CNTN5: variants seen among roughly 807,000 people sequenced by gnomAD.
CNTN5 encodes the protein contactin 5.
Under a neutral mutation model 129.1 loss-of-function variants are expected in CNTN5, and 77 were observed. The ratio of observed to expected loss-of-function variants is 0.60; its 90% CI spans 0.50 to 0.72. CNTN5 has a LOEUF of 0.72. CNTN5 is among the 30% of genes least tolerant of loss of function. CNTN5 has a pLI of 0.00. For missense variants in CNTN5, 1,478 were observed against 1,328.8 expected (o/e 1.11, Z -1.75); for synonymous variants, 509 against 465.6 (o/e 1.09, Z -1.20).
At chr11:99,366,346 A>G (rs1460309341) in intron 2 of CNTN5, among the ~76,000 whole-genome samples, 1 of 152,256 alleles carries the variant, frequency 6.6e-6, no homozygotes, top group East Asian at 1.9e-4. Context: ...GATATTAATC[A>G]CAATCACAGA....
intron 8 of CNTN5, among the ~76,000 whole-genome samples, chr11:99,960,824 T>A (rs1436352507): frequency 6.6e-6 from 1 of 152,006 alleles, no homozygotes; most frequent in Admixed American, 6.5e-5. Context: ...CCTGAACTAA[T>A]CTACATTACA....
intron 4 of CNTN5, among the ~76,000 whole-genome samples, chr11:99,834,119 G>A (rs1947229637): frequency 6.6e-6 from 1 of 152,104 alleles, no homozygotes. Context: ...TGCAAACACT[G>A]TATGAATTGC....
At chr11:99,297,030 G>T (rs1201789291) in intron 1 of CNTN5, among the ~76,000 whole-genome samples, 1 of 152,224 alleles carries the variant, frequency 6.6e-6, no homozygotes, top group East Asian at 1.9e-4. Flanking sequence ...GCACAGGGCA[G>T]TCTCTATTGT....
intron 3 of CNTN5, among the ~76,000 whole-genome samples, chr11:99,781,708 C>T (rs1190573131): frequency 6.6e-6 from 1 of 152,084 alleles, no homozygotes; most frequent in Non-Finnish European, 1.5e-5. Flanking sequence ...CAAGAACGTT[C>T]CATGTCTGTA....
At chr11:100,120,207 C>A (rs1225972748) in intron 13 of CNTN5, among the ~76,000 whole-genome samples, 1 of 151,942 alleles carries the variant, frequency 6.6e-6, no homozygotes, top group Admixed American at 6.6e-5. Context: ...TTGTTTTACT[C>A]ATCCAGTTAC....
intron 15 of CNTN5, among the ~76,000 whole-genome samples, chr11:100,194,563 G>T (rs17094590): frequency 0.031 from 4,660 of 150,744 alleles, 239 homozygotes; most frequent in African/African-American, 0.11. Flanking sequence ...TTTAAACTCA[G>T]TGTCAATTGG....
At chr11:99,965,854 C>G (rs957160216) in intron 8 of CNTN5, among the ~76,000 whole-genome samples, 6 of 152,108 alleles carry the variant, frequency 3.9e-5, no homozygotes, top group African/African-American at 1.4e-4. Context: ...TATTTGATCT[C>G]TCTTCAAAAA....
intron 7 of CNTN5, among the ~76,000 whole-genome samples, chr11:99,933,148 A>G (rs1396124031): frequency 1.3e-5 from 2 of 152,132 alleles, no homozygotes; most frequent in Non-Finnish European, 2.9e-5. Context: ...TATTTTTTCA[A>G]TAAAGAAATA....
chr11:99,228,729 T>G (rs1285865239), intron 1 of CNTN5, among the ~76,000 whole-genome samples: 2 of 152,084 alleles, frequency 1.3e-5, no homozygotes, highest in Non-Finnish European at 2.9e-5. Flanking sequence ...TAAGTTCATA[T>G]GCTATTTAAA....
chr11:100,314,706 G>A (rs1426313255), intron 21 of CNTN5, among the ~76,000 whole-genome samples: 1 of 152,086 alleles, frequency 6.6e-6, no homozygotes, highest in Non-Finnish European at 1.5e-5. Flanking sequence ...ATCATTAAGG[G>A]CAGTAAAGGC....
intron 3 of CNTN5, among the ~76,000 whole-genome samples, chr11:99,680,896 T>C (rs1427950958): frequency 6.6e-6 from 1 of 151,532 alleles, no homozygotes; most frequent in Non-Finnish European, 1.5e-5. Context: ...TTGATAAGGA[T>C]TCACCACTCT....
chr11:99,060,017 C>G (rs1864809382), intron 1 of CNTN5, among the ~76,000 whole-genome samples: 3 of 151,932 alleles, frequency 2.0e-5, no homozygotes, highest in Admixed American at 2.0e-4. Flanking sequence ...TGTTCATTTG[C>G]TGATTTGAAT....
At chr11:99,384,403 A>G (rs1310970722) in intron 2 of CNTN5, among the ~76,000 whole-genome samples, 2 of 152,202 alleles carry the variant, frequency 1.3e-5, no homozygotes, top group Admixed American at 1.3e-4. Context: ...GAATTTGCCA[A>G]TTTACTTTTC....
intron 2 of CNTN5, among the ~76,000 whole-genome samples, chr11:99,473,729 C>T (rs1327566873): frequency 6.6e-6 from 1 of 151,968 alleles, no homozygotes; most frequent in Admixed American, 6.6e-5. Context: ...TCAATTTAAA[C>T]TCTAATTCAC....
intron 2 of CNTN5, among the ~76,000 whole-genome samples, chr11:99,546,805 G>A (rs1481046283): frequency 6.6e-6 from 1 of 151,872 alleles, no homozygotes; most frequent in African/African-American, 2.4e-5. Context: ...ACTCATGATG[G>A]CCTTTTCTCT....
chr11:99,854,678 G>A (rs1241090991), intron 6 of CNTN5, among the ~76,000 whole-genome samples: 1 of 152,126 alleles, frequency 6.6e-6, no homozygotes, highest in Non-Finnish European at 1.5e-5. Context: ...AGTTTAGTCT[G>A]AGATAGATTT....
Position 100,046,778 on chromosome 11 carries a change from T to G in CNTN5, c.981-14434T>G, listed in dbSNP as rs577204079. 6.6e-5 allele frequency among the ~76,000 whole-genome samples: 10 copies of G among 152,216 alleles called. No homozygotes were observed. The East Asian group carries it at 1.7e-3, about 26-fold the overall frequency. On this transcript the variant is annotated intron_variant, in intron 9 of 24. Transcript: ENST00000524871. ...CATATTAGGCCTCAATTGTAGACTA[T>G]GAAAAAAAATGAATAAAATATATGG...
intron 2 of CNTN5, among the ~76,000 whole-genome samples, chr11:99,375,677 G>A (rs894643706): frequency 4.6e-5 from 7 of 152,052 alleles, no homozygotes; most frequent in African/African-American, 1.7e-4. Flanking sequence ...TGGAATTTGG[G>A]GTTGGCTTTT....
chr11:100,130,779 G>T (rs574783981), intron 13 of CNTN5, among the ~76,000 whole-genome samples: 29 of 152,238 alleles, frequency 1.9e-4, no homozygotes, highest in African/African-American at 6.5e-4. Flanking sequence ...CTATTGCTTG[G>T]AGGGAGGGGA....
Sources: gnomAD v4.1 joint callset for allele counts (sites outside exome capture counted in the v4.1 genomes callset) on GRCh38, gnomAD v4.1.1 for gene constraint, MANE v1.5 for transcripts, NCBI Gene and HGNC (gene_info 2026-07-23, HGNC 2026-07-21) for gene names.